CSPP1: variants seen among roughly 807,000 people sequenced by gnomAD.
CSPP1 encodes the protein centrosome and spindle pole associated protein 1, also known as centrosome and spindle pole-associated protein 1.
A neutral mutation model predicts 164.4 loss-of-function variants in CSPP1; 126 were observed. The observed-to-expected ratio is 0.77, with a 90% confidence interval of 0.66 to 0.89. The LOEUF is 0.89. Ranked by LOEUF, CSPP1 falls within the 40% of genes least tolerant of loss-of-function variation. The pLI is 0.00. For missense variants in CSPP1, 1,395 were observed against 1,449.8 expected (o/e 0.96, Z 0.61); for synonymous variants, 472 against 476.7 (o/e 0.99, Z 0.13).
chr8:67,159,981 CTTTTCT>C (rs1176164451), intron 21 of CSPP1, among the ~76,000 whole-genome samples: 1 of 63,464 alleles, frequency 1.6e-5, no homozygotes, highest in Non-Finnish European at 2.6e-5. Flanking sequence ...CTTTTCTTTT[CTTTTCT>C]TTTCTTTTCT....
chr8:67,160,315 A>G (rs928033408), intron 21 of CSPP1, among the ~76,000 whole-genome samples: 1 of 151,942 alleles, frequency 6.6e-6, no homozygotes, highest in Non-Finnish European at 1.5e-5. Flanking sequence ...AAATACAAAA[A>G]TTAGCTGGGC....
intron 17 of CSPP1, among the ~76,000 whole-genome samples, chr8:67,141,061 T>C (rs1373572654): frequency 6.6e-6 from 1 of 152,206 alleles, no homozygotes; most frequent in Non-Finnish European, 1.5e-5. Context: ...TTGATAGAAG[T>C]TAACTAGTTA....
At chr8:67,159,965 T>TC (rs1827849869) in intron 21 of CSPP1, among the ~76,000 whole-genome samples, 1 of 48,410 alleles carries the variant, frequency 2.1e-5, no homozygotes, top group Non-Finnish European at 3.3e-5. Context: ...TTCTTTCTTT[T>TC]CTTTTCTTTT....
At chr8:67,098,292 CTT>C (rs201067321) in intron 7 of CSPP1, among the ~76,000 whole-genome samples, 8 of 134,154 alleles carry the variant, frequency 6.0e-5, no homozygotes, top group Admixed American at 7.4e-5. Flanking sequence ...TTTCTTTGGT[CTT>C]TTTTTTTTTT....
At chr8:67,112,264 G>A (rs762044293) in intron 10 of CSPP1, among the ~76,000 whole-genome samples, 199 bp downstream of exon 10, 3 of 143,070 alleles carry the variant, frequency 2.1e-5, no homozygotes, top group African/African-American at 2.6e-5. Flanking sequence ...GTCATAAGTA[G>A]CAAGTGAGAG....
chr8:67,136,077 A>G (rs1822200129), intron 16 of CSPP1, among the ~76,000 whole-genome samples: 1 of 152,188 alleles, frequency 6.6e-6, no homozygotes, highest in Admixed American at 6.5e-5. Context: ...ATGGCGCCCC[A>G]AAACAATTAT....
intron 6 of CSPP1, among the ~76,000 whole-genome samples, chr8:67,094,922 A>C (rs1812424014): frequency 6.6e-6 from 1 of 152,204 alleles, no homozygotes; most frequent in Non-Finnish European, 1.5e-5. Context: ...TAAATGGATC[A>C]TACAGGATAT....
chr8:67,111,820 A>G (rs1816906321), intron 9 of CSPP1, 152 bp from the exon 10 acceptor site: 3 of 457,952 alleles, frequency 6.6e-6, no homozygotes, highest in Non-Finnish European at 1.2e-5. Flanking sequence ...GAAATTGAAG[A>G]AGGACTGATT....
chr8:67,141,006 A>G (rs1230531430), intron 17 of CSPP1, among the ~76,000 whole-genome samples: 1 of 152,202 alleles, frequency 6.6e-6, no homozygotes, highest in Non-Finnish European at 1.5e-5. Context: ...CATGGGATTA[A>G]TAGCCATATG....
At chr8:67,104,778 G>A (rs1586127209) in intron 8 of CSPP1, among the ~76,000 whole-genome samples, 1 of 145,734 alleles carries the variant, frequency 6.9e-6, no homozygotes, top group South Asian at 2.2e-4. Flanking sequence ...GCTGGGATTA[G>A]AGGCGTGTGT....
chr8:67,175,450 A>G lies in CSPP1; in HGVS notation c.3109+14A>G, dbSNP rs376619870. ...AAGGTGCCAAAGGTAAGAAATAATC[A>G]TTGCTGTGTCAAATAGTATCAGCAC... On this transcript the variant is annotated intron_variant, in intron 26 of 30. Transcript: ENST00000678616. 6.2e-7 allele frequency: 1 copy of G among 1,613,932 alleles called. No homozygotes were observed. Among genetic ancestry groups the G allele is most frequent in the Non-Finnish European group, 8.5e-7 (1 of 1,179,838 alleles).
At chr8:67,162,016 T>G in intron 22 of CSPP1, 101 bp downstream of exon 22, 1 of 756,232 alleles carries the variant, frequency 1.3e-6, no homozygotes, top group Middle Eastern at 2.4e-4. Flanking sequence ...AGGTTAAATT[T>G]TTTCAGATCT....
At chr8:67,113,673 G>A (rs1817343118) in intron 10 of CSPP1, 132 bp from the exon 11 acceptor site, 2 of 509,552 alleles carry the variant, frequency 3.9e-6, no homozygotes, top group Non-Finnish European at 7.0e-6. Flanking sequence ...AGGCTGTAAT[G>A]TCAGTTAAAG....
chr8:67,113,921 G>A (rs559809728), intron 11 of CSPP1, 59 bp downstream of exon 11: 1 of 984,464 alleles, frequency 1.0e-6, no homozygotes, highest in East Asian at 2.5e-5. Context: ...CTCAAATGTG[G>A]TGGCAGGTGG....
At chr8:67,116,168 C>T in intron 13 of CSPP1, 46 bp downstream of exon 13, 3 of 1,360,828 alleles carry the variant, frequency 2.2e-6, no homozygotes, top group East Asian at 2.3e-5. Context: ...TAAGGTATTG[C>T]TATATTTTAT....
At position 67,106,254 on chromosome 8, in the gene CSPP1, G is replaced by A. The variant is rs140121753; in HGVS notation, c.1093+279G>A. On this transcript the variant is annotated intron_variant, in intron 9 of 30. Coordinates refer to ENST00000678616, the MANE Select transcript of CSPP1 (RefSeq NM_001382391.1). ...TTAAAGCTAAATTATTTAGTGATGT[G>A]CTTTCCGTAGGTGATAATGAAATTA... 6.4e-3 allele frequency among the ~76,000 whole-genome samples: 974 copies of A among 151,050 alleles called. 12 individuals carry two copies. Among genetic ancestry groups the A allele is most frequent in the African/African-American group, 0.022 (914 of 41,250 alleles).
rs570773284 is a variant in CSPP1 at position 67,126,216 on chromosome 8, G to A, written c.1698-5735G>A. Among the ~76,000 whole-genome samples the A allele has an allele frequency of 5.3e-5, 8 of 152,272 alleles. No homozygotes were observed. In the South Asian group the frequency reaches 1.2e-3, roughly 24 times the overall value. ...AAAAATCTTTGTTGATTAAATACAA[G>A]GCATGGGATTCCTCTGAAATTTTCT... On this transcript the variant is annotated intron_variant, in intron 15 of 30. Coordinates refer to ENST00000678616, the MANE Select transcript of CSPP1 (RefSeq NM_001382391.1).
intron 25 of CSPP1, chr8:67,174,216 CA>C (rs1400195922): frequency 6.6e-6 from 1 of 152,002 alleles, no homozygotes; most frequent in Non-Finnish European, 1.5e-5. Flanking sequence ...GCAGTGAAGC[CA>C]GGGACCAATC....
At chr8:67,162,590 A>AT (rs1449913252) in intron 22 of CSPP1, among the ~76,000 whole-genome samples, 6 of 152,330 alleles carry the variant, frequency 3.9e-5, no homozygotes, top group African/African-American at 1.2e-4. Flanking sequence ...TCATTGTAAT[A>AT]TTTAAGTAGG....
Sources: allele counts gnomAD v4.1 joint callset (sites outside exome capture counted in the v4.1 genomes callset), GRCh38; gene constraint gnomAD v4.1.1; transcripts MANE v1.5; gene names NCBI Gene and HGNC (gene_info 2026-07-23, HGNC 2026-07-21).